VOPP1: variants seen among roughly 807,000 people sequenced by gnomAD.
VOPP1 encodes VOPP1 WW domain binding protein, also known as WW domain binding protein VOPP1.
A neutral mutation model predicts 23.5 loss-of-function variants in VOPP1; 8 were observed. The ratio of observed to expected loss-of-function variants is 0.34; its 90% CI spans 0.20 to 0.61. The LOEUF is 0.61. VOPP1 is among the 20% of genes least tolerant of loss of function. VOPP1 has a pLI of 0.78. For synonymous variants in VOPP1, 83 were observed against 97.3 expected (o/e 0.85, Z 0.86); for missense variants, 174 against 238.1 (o/e 0.73, Z 1.77).
At chr7:55,527,439 G>A (rs542921081) in intron 1 of VOPP1, among the ~76,000 whole-genome samples, 1 of 152,322 alleles carries the variant, frequency 6.6e-6, no homozygotes, top group East Asian at 1.9e-4. Flanking sequence ...CACACAGCCA[G>A]CAAATAACGA....
chr7:55,538,480 G>A, intron 1 of VOPP1: 1 of 693,146 alleles, frequency 1.4e-6, no homozygotes, highest in Non-Finnish European at 2.3e-6. Flanking sequence ...AGCCCTTCCT[G>A]CCAGGCTACA....
At chr7:55,495,536 G>A (rs924182053) in intron 3 of VOPP1, among the ~76,000 whole-genome samples, 1 of 152,070 alleles carries the variant, frequency 6.6e-6, no homozygotes, top group Non-Finnish European at 1.5e-5. Context: ...TGCCCCAAAC[G>A]CCCTCTCTGA....
chr7:55,516,905 CATATATATATAT>C (rs1214913971), intron 2 of VOPP1, among the ~76,000 whole-genome samples: 113 of 43,160 alleles, frequency 2.6e-3, no homozygotes, highest in African/African-American at 9.0e-3. Context: ...AGATCCATTA[CATATATATATAT>C]ATATATATAT....
chr7:55,525,413 C>A (rs964994580), intron 1 of VOPP1, among the ~76,000 whole-genome samples: 1 of 150,960 alleles, frequency 6.6e-6, no homozygotes, highest in African/African-American at 2.4e-5. Flanking sequence ...GGCGTGAACT[C>A]GGGAGGCGGA....
chr7:55,547,700 C>A (rs1584097774), intron 1 of VOPP1, among the ~76,000 whole-genome samples: 1 of 152,136 alleles, frequency 6.6e-6, no homozygotes, highest in African/African-American at 2.4e-5. Flanking sequence ...AAACTTTACA[C>A]AAAATCTAGA....
chr7:55,545,832 G>C (rs980689582), intron 1 of VOPP1, among the ~76,000 whole-genome samples: 49 of 152,114 alleles, frequency 3.2e-4, no homozygotes, highest in African/African-American at 1.1e-3. Context: ...ACTCTGGGAG[G>C]CTGAGGTAGG....
chr7:55,510,754 C>A (rs904389944), intron 2 of VOPP1, among the ~76,000 whole-genome samples: 1 of 151,888 alleles, frequency 6.6e-6, no homozygotes, highest in African/African-American at 2.4e-5. Context: ...CTCTTTTTCC[C>A]ATCTCATCTC....
chr7:55,492,989 T>C (rs748418846), intron 3 of VOPP1: 1 of 152,178 alleles, frequency 6.6e-6, no homozygotes, highest in African/African-American at 2.4e-5. Flanking sequence ...GGAATAGAAA[T>C]ACAATCAATG....
chr7:55,521,253 C>G (rs751529910), intron 1 of VOPP1, 123 bp from the exon 2 acceptor site: 1 of 1,001,592 alleles, frequency 1.0e-6, no homozygotes, highest in Non-Finnish European at 1.5e-6. Context: ...GCTGGGATAT[C>G]GGGGCAGACA....
At position 55,560,736 on chromosome 7, in the gene VOPP1, T is replaced by C. The variant is rs116806786; in HGVS notation, c.54+11535A>G. ...TGAACACAGAGGTCACAGCAAGTTC[T>C]TCTCTAGTAGGCCAGTAGCCTCACT... On this transcript the variant is annotated intron_variant, in intron 1 of 4. Coordinates refer to ENST00000285279, the MANE Select transcript of VOPP1 (RefSeq NM_030796.5). Among the ~76,000 whole-genome samples, 514 of 152,258 alleles carry C rather than the reference T, an allele frequency of 3.4e-3. 3 individuals carry two copies. The highest frequency in any genetic ancestry group is 0.011 in the African/African-American group (472 of 41,556).
Position 55,523,032 on chromosome 7 carries a change from G to C in VOPP1, c.55-1902C>G, listed in dbSNP as rs182785067. 1.2e-3 allele frequency among the ~76,000 whole-genome samples: 190 copies of C among 152,318 alleles called. 2 individuals are homozygous for C. The highest frequency in any genetic ancestry group is 1.8e-3 in the Non-Finnish European group (124 of 68,038). On this transcript the variant is annotated intron_variant, in intron 1 of 4. Transcript: ENST00000285279. ...TACCACTTCACAAATTAAGGCACCAGGGCCCTTGGTGGGTGTCTTCTTCTG... is the reference window on the plus strand; with the variant it reads ...TACCACTTCACAAATTAAGGCACCACGGCCCTTGGTGGGTGTCTTCTTCTG...
intron 4 of VOPP1, among the ~76,000 whole-genome samples, chr7:55,449,514 G>A (rs1583796659): frequency 6.6e-6 from 1 of 152,364 alleles, no homozygotes; most frequent in East Asian, 1.9e-4. Context: ...CGGTCTCGGA[G>A]AAGGGCGCGG....
intron 2 of VOPP1, among the ~76,000 whole-genome samples, chr7:55,507,113 C>T (rs977937365): frequency 9.9e-5 from 15 of 152,164 alleles, no homozygotes; most frequent in African/African-American, 3.1e-4. Flanking sequence ...GTGGATAAAA[C>T]TCAAACCAGG....
At chr7:55,442,174 G>A (rs758522286) in intron 4 of VOPP1, among the ~76,000 whole-genome samples, 6 of 152,154 alleles carry the variant, frequency 3.9e-5, no homozygotes, top group South Asian at 2.1e-4. Context: ...CATGTGAGGC[G>A]GCTGAGGGTG....
intron 2 of VOPP1, among the ~76,000 whole-genome samples, chr7:55,517,232 A>G (rs1198801129): frequency 2.0e-5 from 3 of 151,778 alleles, no homozygotes; most frequent in African/African-American, 7.3e-5. Context: ...TACCAGCATG[A>G]GCAACCGTGC....
intron 4 of VOPP1, among the ~76,000 whole-genome samples, chr7:55,483,375 A>G (rs1792884639): frequency 6.6e-6 from 1 of 152,140 alleles, no homozygotes; most frequent in Non-Finnish European, 1.5e-5. Flanking sequence ...GATCCTGATA[A>G]CATGTTATGA....
chr7:55,552,884 ACTC>A (rs1277566238), intron 1 of VOPP1: 8 of 1,304,948 alleles, frequency 6.1e-6, no homozygotes, highest in Non-Finnish European at 7.0e-6. Context: ...CCTAGACTAA[ACTC>A]CTGAACCCGA....
At chr7:55,537,784 A>G (rs1796889206) in intron 1 of VOPP1, 4 of 1,222,200 alleles carry the variant, frequency 3.3e-6, no homozygotes, top group Non-Finnish European at 4.3e-6. Context: ...CCACCAAGGA[A>G]CATGCACTTC....
intron 4 of VOPP1, among the ~76,000 whole-genome samples, chr7:55,449,241 C>T (rs1013948757): frequency 3.9e-5 from 6 of 152,232 alleles, no homozygotes; most frequent in Admixed American, 1.3e-4. Context: ...CGGTCCCGAT[C>T]CCGCGGCACA....
Sources: allele counts gnomAD v4.1 joint callset (sites outside exome capture counted in the v4.1 genomes callset), GRCh38; gene constraint gnomAD v4.1.1; transcripts MANE v1.5; gene names NCBI Gene and HGNC (gene_info 2026-07-23, HGNC 2026-07-21).